Variants in RXRA observed in about 807,000 individuals in gnomAD.
The protein encoded by RXRA is retinoic acid receptor RXR-alpha.
RXRA carries 5 observed loss-of-function variants against 44.5 expected under a neutral mutation model. The observed-to-expected ratio is 0.11, with a 90% CI of 0.06 to 0.24. RXRA has a LOEUF of 0.24. RXRA is among the 10% of genes least tolerant of loss of function. RXRA has a pLI of 1.00. For missense variants in RXRA, 412 were observed against 646.5 expected, an observed-to-expected ratio of 0.64 and a Z score of 3.93; for synonymous variants, 291 against 271.4, an observed-to-expected ratio of 1.07 and a Z score of -0.71.
chr9:134,352,700 G>A (rs782690290), intron 1 of RXRA, among the ~76,000 whole-genome samples: 5 of 152,208 alleles, frequency 3.3e-5, no homozygotes, highest in Admixed American at 1.3e-4. Context: ...GGGCTTGCCT[G>A]GGACTATCTG....
At chr9:134,385,547 C>T (rs1263978460) in intron 1 of RXRA, among the ~76,000 whole-genome samples, 2 of 152,188 alleles carry the variant, frequency 1.3e-5, no homozygotes, top group Admixed American at 6.5e-5. Flanking sequence ...CCCCCAGGAT[C>T]CGTAATGCTG....
At chr9:134,398,808 G>A (rs1037114487) in intron 1 of RXRA, among the ~76,000 whole-genome samples, 1 of 152,218 alleles carries the variant, frequency 6.6e-6, no homozygotes, top group Non-Finnish European at 1.5e-5. Flanking sequence ...CTTCCCAGGG[G>A]TGCCTAGGGC....
rs1265188913 is a variant in RXRA at position 134,407,341 on chromosome 9, C to T, written c.280-808C>T. On this transcript the variant is annotated intron_variant, in intron 2 of 9. Coordinates refer to ENST00000481739, the MANE Select transcript of RXRA (RefSeq NM_002957.6). The surrounding 1 kb of genome is among the most constrained non-coding windows in gnomAD (Gnocchi z 4.8). ...AAGTGGAGGCTGGGGGCTGCCTGGC[C>T]AAGCGCTTACCGCCCTGCGCAGCCA... Among the ~76,000 whole-genome samples, 1 of 152,208 alleles carries T rather than the reference C, an allele frequency of 6.6e-6. No homozygotes were observed. Among genetic ancestry groups the T allele is most frequent in the Non-Finnish European group, 1.5e-5 (1 of 68,040 alleles).
At position 134,342,519 on chromosome 9, in the gene RXRA, C is replaced by T. The variant is rs782017971; in HGVS notation, c.28+15860C>T. On this transcript the variant is annotated intron_variant, in intron 1 of 9. Transcript: ENST00000481739. This position sits in a 1 kb window ranked among gnomAD's most constrained non-coding sequence, Gnocchi z 4.4. Reference sequence around the variant, plus strand: ...CTTGCACTTGGGATGGCGTGCTGTGCGCCCTCTTCCTGCCATCAGCGGGGG... The same window carrying T: ...CTTGCACTTGGGATGGCGTGCTGTGTGCCCTCTTCCTGCCATCAGCGGGGG... Among the ~76,000 whole-genome samples the T allele has an allele frequency of 3.3e-5, 5 of 152,172 alleles. No homozygotes were observed. Among genetic ancestry groups the T allele is most frequent in the African/African-American group, 4.8e-5 (2 of 41,436 alleles).
At chr9:134,357,192 A>G (rs538316030) in intron 1 of RXRA, among the ~76,000 whole-genome samples, 1 of 151,988 alleles carries the variant, frequency 6.6e-6, no homozygotes, top group South Asian at 2.1e-4. Context: ...TTGCCCAGGC[A>G]CTGAGGCGTC....
intron 1 of RXRA, among the ~76,000 whole-genome samples, chr9:134,331,686 G>T (rs557835699): frequency 1.3e-5 from 2 of 152,372 alleles, no homozygotes; most frequent in Non-Finnish European, 2.9e-5. Context: ...CCTTGTGGAG[G>T]TGTCACAGAG....
chr9:134,417,386 C>T lies in RXRA; in HGVS notation c.780+59C>T. On this transcript the variant is annotated intron_variant, in intron 5 of 9. Transcript: ENST00000481739. The surrounding 1 kb of genome is among the most constrained non-coding windows in gnomAD (Gnocchi z 6.1). Reference sequence around the variant, plus strand: ...CACATGCCTCAGTTTCCCTCACTCACTCACCCTCCCACCTGAGCAGCTGAT... The same window carrying T: ...CACATGCCTCAGTTTCCCTCACTCATTCACCCTCCCACCTGAGCAGCTGAT... 4 of 1,570,310 alleles carry T rather than the reference C, an allele frequency of 2.5e-6. No individual in the cohort carries two copies. The highest frequency in any genetic ancestry group is 1.3e-5 in the African/African-American group (1 of 74,404).
intron 1 of RXRA, among the ~76,000 whole-genome samples, chr9:134,383,321 G>T (rs911186334): frequency 1.3e-5 from 2 of 152,162 alleles, no homozygotes; most frequent in Non-Finnish European, 2.9e-5. Context: ...GTGGCGGGCT[G>T]GGAGCCTGTT....
At chr9:134,409,790 G>A (rs989903201) in intron 4 of RXRA, among the ~76,000 whole-genome samples, 1 of 152,178 alleles carries the variant, frequency 6.6e-6, no homozygotes, top group Admixed American at 6.5e-5. Flanking sequence ...TTGCACACAC[G>A]TTTGGGGGTG....
chr9:134,376,172 C>A (rs1408202888), intron 1 of RXRA, among the ~76,000 whole-genome samples: 1 of 152,190 alleles, frequency 6.6e-6, no homozygotes, highest in Non-Finnish European at 1.5e-5. Context: ...GAAGGCGGCC[C>A]CTCTGCAGGC....
Position 134,402,711 on chromosome 9 carries a change from G to C in RXRA, c.279+829G>C, listed in dbSNP as rs927915487. On this transcript the variant is annotated intron_variant, in intron 2 of 9. Transcript: ENST00000481739. ...AGGGCGAGGCTGGGCCTCGTCCCCTGGCTCCCGGTGGTTGCTTGTGGATTT... is the reference window on the plus strand; with the variant it reads ...AGGGCGAGGCTGGGCCTCGTCCCCTCGCTCCCGGTGGTTGCTTGTGGATTT... 5 of 152,178 alleles carry C rather than the reference G, an allele frequency of 3.3e-5. No homozygotes were observed. The South Asian group carries it at 1.0e-3, about 32-fold the overall frequency. 9.4% of individuals were successfully genotyped at this position (152,178 alleles called of 1,614,324 possible). A position where few individuals can be genotyped will look rare whatever the true frequency, so the allele number is the denominator to read the frequency against.
chr9:134,393,570 C>T (rs1299227937), intron 1 of RXRA, among the ~76,000 whole-genome samples: 3 of 152,190 alleles, frequency 2.0e-5, no homozygotes, highest in Admixed American at 1.3e-4. Context: ...GAAGGTGGTG[C>T]GTGCATATCT....
intron 1 of RXRA, among the ~76,000 whole-genome samples, chr9:134,347,438 G>A (rs1200064236): frequency 2.0e-5 from 3 of 152,200 alleles, no homozygotes; most frequent in African/African-American, 4.8e-5. Flanking sequence ...GGCAGACACC[G>A]TGCCGTCCAC....
At chr9:134,429,980 G>A (rs973609524) in intron 7 of RXRA, among the ~76,000 whole-genome samples, 2 of 152,096 alleles carry the variant, frequency 1.3e-5, no homozygotes, top group African/African-American at 2.4e-5. Flanking sequence ...CCGCCTCCCG[G>A]GTTCACACCA....
chr9:134,355,938 C>G (rs1395464727), intron 1 of RXRA, among the ~76,000 whole-genome samples: 3 of 151,672 alleles, frequency 2.0e-5, no homozygotes, highest in South Asian at 2.1e-4. Context: ...CAGACAAGCC[C>G]TGGGGGAGGG....
chr9:134,389,724 C>T lies in RXRA; in HGVS notation c.29-11908C>T, dbSNP rs991677421. ...GCTCTGCCTGTACAGAGGGGGCTGG[C>T]AGACGTTCCTGCGGGAGGCACTCTG... is the stretch of plus-strand genomic sequence containing the variant. On this transcript the variant is annotated intron_variant, in intron 1 of 9. Coordinates refer to ENST00000481739, the MANE Select transcript of RXRA (RefSeq NM_002957.6). Among the ~76,000 whole-genome samples the T allele has an allele frequency of 2.0e-5, 3 of 152,172 alleles. No homozygotes were observed. In the South Asian group the frequency reaches 6.2e-4, roughly 31 times the overall value.
chr9:134,438,206 G>C lies in RXRA; in HGVS notation c.*1592G>C, dbSNP rs537469752. ...CAGCCGCAGTCTAGGAATGATGCGG[G>C]GGGGTGGACGCCTTCTCCATAGTCT... On this transcript the variant is annotated 3_prime_UTR_variant, in exon 10 of 10. Coordinates refer to ENST00000481739, the MANE Select transcript of RXRA (RefSeq NM_002957.6). 15 of 152,632 alleles carry C rather than the reference G, an allele frequency of 9.8e-5. No homozygotes were observed. The South Asian group carries it at 1.9e-3, about 19-fold the overall frequency. The allele number at this position is 152,632 out of a possible 1,614,324, so 9.5% of individuals were successfully genotyped here.
chr9:134,354,320 A>G (rs1267326711), intron 1 of RXRA, among the ~76,000 whole-genome samples: 3 of 152,100 alleles, frequency 2.0e-5, no homozygotes, highest in Admixed American at 6.5e-5. Flanking sequence ...GTGTGTTTTC[A>G]CTGTGACTTC....
chr9:134,394,278 G>A (rs1038243932), intron 1 of RXRA, among the ~76,000 whole-genome samples: 10 of 114,844 alleles, frequency 8.7e-5, no homozygotes, highest in Non-Finnish European at 1.7e-4. Context: ...GTTGATGGCA[G>A]TGACAGTGCA....
Sources: gnomAD v4.1 joint callset for allele counts (sites outside exome capture counted in the v4.1 genomes callset) on GRCh38, gnomAD v4.1.1 for gene constraint, Gnocchi (gnomAD v3.1) non-coding constraint, MANE v1.5 for transcripts, NCBI Gene and HGNC (gene_info 2026-07-23, HGNC 2026-07-21) for gene names.